Variants in CCDC7 observed in about 807,000 individuals in gnomAD.
CCDC7 encodes the protein coiled-coil domain containing 7.
A neutral mutation model predicts 196.9 loss-of-function variants in CCDC7; 183 were observed. The ratio of observed to expected loss-of-function variants is 0.93; its 90% CI spans 0.82 to 1.05. The LOEUF (loss-of-function observed/expected upper bound fraction) is 1.05. Among genes scored for constraint, CCDC7 ranks in the 50% least tolerant of loss-of-function variants. CCDC7 has a pLI of 0.00. For synonymous variants in CCDC7, 525 were observed against 484.6 expected, an observed-to-expected ratio of 1.08 and a Z score of -1.10; for missense variants, 1,540 against 1,482.2, an observed-to-expected ratio of 1.04 and a Z score of -0.64.
rs774704976 is a variant in CCDC7, at chr10:32,469,232, G to GT, written c.511-1831dup. 4.4e-4 allele frequency among the ~76,000 whole-genome samples: 67 copies of GT among 150,940 alleles called. No individual in the cohort carries two copies. In the Middle Eastern group the frequency reaches 0.017, roughly 38 times the overall value. ...GGAAAGTTTAATATAAAGAATTATT[G>GT]TAACAGAGGAATATCTACTAAAGGA... On this transcript the variant is annotated intron_variant, in intron 5 of 41. Transcript: ENST00000639629.
chr10:32,617,233 GAACT>G (rs1246210195), intron 18 of CCDC7, among the ~76,000 whole-genome samples: 1 of 151,618 alleles, frequency 6.6e-6, no homozygotes, highest in African/African-American at 2.4e-5. Context: ...CCCTTTCAAA[GAACT>G]AACTTTTTGT....
intron 8 of CCDC7, among the ~76,000 whole-genome samples, chr10:32,488,737 C>T (rs3006731): frequency 0.92 from 140,820 of 152,260 alleles, 66,063 homozygotes; most frequent in East Asian, 1. Flanking sequence ...TTAAGTTGTC[C>T]ATCAGTGTTT....
chr10:32,475,661 T>C (rs1004285903), intron 8 of CCDC7, among the ~76,000 whole-genome samples: 2 of 152,212 alleles, frequency 1.3e-5, no homozygotes, highest in Non-Finnish European at 2.9e-5. Context: ...TTTACTAGTA[T>C]TGACCTACTG....
At chr10:32,482,347 T>C (rs1324848161) in intron 8 of CCDC7, among the ~76,000 whole-genome samples, 2 of 151,480 alleles carry the variant, frequency 1.3e-5, no homozygotes, top group Non-Finnish European at 2.9e-5. Flanking sequence ...AAATTCCTTT[T>C]TATTCTTTAT....
chr10:32,642,813 G>A (rs1292213537), intron 20 of CCDC7, among the ~76,000 whole-genome samples: 1 of 152,088 alleles, frequency 6.6e-6, no homozygotes, highest in African/African-American at 2.4e-5. Context: ...ACCTCATTTA[G>A]TTCTTAAAAA....
chr10:32,665,547 C>A (rs1182730459), intron 21 of CCDC7, among the ~76,000 whole-genome samples: 2 of 151,886 alleles, frequency 1.3e-5, no homozygotes, highest in African/African-American at 2.4e-5. Flanking sequence ...TTTTTCAACA[C>A]CATTGTATAT....
At chr10:32,823,180 T>C (rs2090546182) in intron 31 of CCDC7, among the ~76,000 whole-genome samples, 1 of 152,108 alleles carries the variant, frequency 6.6e-6, no homozygotes, top group Admixed American at 6.5e-5. Context: ...TCTTGCTCTG[T>C]TGCCCAGGCT....
At chr10:32,797,926 A>G (rs1388460258) in intron 29 of CCDC7, among the ~76,000 whole-genome samples, 7 of 152,300 alleles carry the variant, frequency 4.6e-5, no homozygotes, top group East Asian at 1.9e-4. Flanking sequence ...CCACCTTTCT[A>G]TCAATCCAGC....
intron 14 of CCDC7, 31 bp downstream of exon 15, chr10:32,565,651 TAAC>T (rs778098142): frequency 6.3e-7 from 1 of 1,591,046 alleles, no homozygotes; most frequent in South Asian, 1.2e-5. Context: ...TTAACATTGT[TAAC>T]AAGTAAAGAA....
intron 9 of CCDC7, among the ~76,000 whole-genome samples, chr10:32,509,213 T>C (rs1241586724): frequency 7.3e-6 from 1 of 137,846 alleles, no homozygotes; most frequent in Admixed American, 6.8e-5. Context: ...ATCAGACATA[T>C]AGACCCATGA....
chr10:32,740,770 ACTTTAT>A (rs2085693244), intron 28 of CCDC7, among the ~76,000 whole-genome samples: 1 of 152,092 alleles, frequency 6.6e-6, no homozygotes, highest in African/African-American at 2.4e-5. Flanking sequence ...AAGGATTAAA[ACTTTAT>A]CTTTGTGTTT....
chr10:32,637,403 T>C (rs145048348), intron 20 of CCDC7, among the ~76,000 whole-genome samples: 10,249 of 152,302 alleles, frequency 0.067, 623 homozygotes, highest in East Asian at 0.33. Context: ...AATTAATTTT[T>C]GTATAAGGTG....
At chr10:32,492,246 A>G (rs2042263787) in intron 9 of CCDC7, among the ~76,000 whole-genome samples, 2 of 152,158 alleles carry the variant, frequency 1.3e-5, no homozygotes, top group South Asian at 4.1e-4. Flanking sequence ...ATGTAAAATG[A>G]AATGTAAAAT....
In CCDC7 at chr10:32,632,353, A is replaced by T. The variant is rs920416759; in HGVS notation, c.1802-1901A>T. 2.6e-5 allele frequency among the ~76,000 whole-genome samples: 4 copies of T among 151,910 alleles called. No individual in the cohort carries two copies. The South Asian group carries it at 6.2e-4, about 24-fold the overall frequency. ...TTTTTTTCGAACTATTGAGATGATT[A>T]TAAAGGGAATCATTTATTAATATCG... On this transcript the variant is annotated intron_variant, in intron 18 of 41. Coordinates refer to ENST00000639629, the Ensembl canonical transcript of CCDC7.
chr10:32,807,896 AAT>A (rs2135239102), intron 30 of CCDC7, among the ~76,000 whole-genome samples: 1 of 152,110 alleles, frequency 6.6e-6, no homozygotes, highest in African/African-American at 2.4e-5. Context: ...ATGCCCAGCT[AAT>A]TTTTGTATTT....
At chr10:32,845,458 C>T in intron 34 of CCDC7, 85 bp from the exon 36 acceptor site, 1 of 1,275,876 alleles carries the variant, frequency 7.8e-7, no homozygotes, top group Non-Finnish European at 1.1e-6. Flanking sequence ...TCATGAATAT[C>T]CTCCTATAAT....
At chr10:32,655,570 G>A (rs2069657155) in intron 20 of CCDC7, among the ~76,000 whole-genome samples, 1 of 151,858 alleles carries the variant, frequency 6.6e-6, no homozygotes, top group Non-Finnish European at 1.5e-5. Flanking sequence ...TCTGTTGCCT[G>A]GGCTGGAGTG....
chr10:32,482,962 T>A (rs545664244), intron 8 of CCDC7, among the ~76,000 whole-genome samples: 3 of 152,206 alleles, frequency 2.0e-5, no homozygotes, highest in Non-Finnish European at 4.4e-5. Context: ...TAAACATACG[T>A]GTGCATGTGT....
chr10:32,656,988 A>AAT (rs1235342724), intron 20 of CCDC7, among the ~76,000 whole-genome samples: 3 of 152,190 alleles, frequency 2.0e-5, no homozygotes, highest in Non-Finnish European at 2.9e-5. Context: ...TTCAAAATCC[A>AAT]ATAGGGCAGT....
Sources: gnomAD v4.1 joint callset for allele counts (sites outside exome capture counted in the v4.1 genomes callset) on GRCh38, gnomAD v4.1.1 for gene constraint, MANE v1.5 for transcripts, NCBI Gene and HGNC (gene_info 2026-07-23, HGNC 2026-07-21) for gene names.